Variants in MTFMT observed in about 807,000 individuals in gnomAD.
The protein encoded by MTFMT is methionyl-tRNA formyltransferase, mitochondrial.
A neutral mutation model predicts 51.8 loss-of-function variants in MTFMT; 47 were observed. The ratio of observed to expected loss-of-function variants is 0.91; its 90% CI spans 0.72 to 1.16. MTFMT has a LOEUF of 1.16. MTFMT is among the 50% of genes most tolerant of loss of function. The pLI is 0.00. For missense variants in MTFMT, 512 were observed against 482.3 expected (o/e 1.06, Z -0.58); for synonymous variants, 196 against 176.7 (o/e 1.11, Z -0.87).
chr15:65,026,716 TAA>T lies in MTFMT; in HGVS notation c.419+113_419+114del, dbSNP rs538519239. The T allele has an allele frequency of 1.5e-3, 1,362 of 882,746 alleles. 8 individuals carry two copies. The African/African-American group carries it at 0.02, about 13-fold the overall frequency. The allele number at this position is 882,746 out of a possible 1,614,324, so 54.7% of individuals were successfully genotyped here. ...GTACAGAAAAATAAAATGGTAAAAA[TAA>T]AAAAAGAAAATATTACAGAAAGCAT... On this transcript the variant is annotated intron_variant, in intron 2 of 8. Coordinates refer to ENST00000220058, the MANE Select transcript of MTFMT (RefSeq NM_139242.4).
chr15:65,026,807 T>C (rs1182018917), intron 2 of MTFMT, 24 bp downstream of exon 2: 7 of 1,597,098 alleles, frequency 4.4e-6, no homozygotes, highest in Non-Finnish European at 6.0e-6. Flanking sequence ...TTCTATACTG[T>C]ATTTCCTTAC....
intron 3 of MTFMT, among the ~76,000 whole-genome samples, 161 bp downstream of exon 3, chr15:65,023,511 T>C (rs372312782): frequency 6.6e-6 from 1 of 151,976 alleles, no homozygotes; most frequent in Non-Finnish European, 1.5e-5. Flanking sequence ...ATATGGTTTA[T>C]GTTAGAAACC....
At chr15:65,012,533 C>T (rs1005441160) in intron 6 of MTFMT, among the ~76,000 whole-genome samples, 1 of 152,034 alleles carries the variant, frequency 6.6e-6, no homozygotes, top group African/African-American at 2.4e-5. Context: ...GTAGCTGGGA[C>T]TACAAGCGTG....
At chr15:65,027,417 T>C (rs2086435053) in intron 1 of MTFMT, among the ~76,000 whole-genome samples, 2 of 152,176 alleles carry the variant, frequency 1.3e-5, no homozygotes, top group African/African-American at 4.8e-5. Flanking sequence ...CAGGCTGGTC[T>C]CCAACTCCTG....
chr15:65,024,040 GT>G (rs1247871567), intron 2 of MTFMT, among the ~76,000 whole-genome samples: 2 of 152,178 alleles, frequency 1.3e-5, no homozygotes, highest in African/African-American at 4.8e-5. Flanking sequence ...TTCTAAAGAT[GT>G]TCTGTCTGGG....
intron 2 of MTFMT, 86 bp downstream of exon 2, chr15:65,026,745 G>A: frequency 1.0e-6 from 1 of 1,002,816 alleles, no homozygotes; most frequent in Non-Finnish European, 1.5e-6. Flanking sequence ...AGAAAGCATA[G>A]AGTTCAAATT....
At chr15:65,024,172 CA>C (rs993123818) in intron 2 of MTFMT, among the ~76,000 whole-genome samples, 2 of 151,872 alleles carry the variant, frequency 1.3e-5, no homozygotes, top group Non-Finnish European at 2.9e-5. Context: ...ACTAAAAAGA[CA>C]AAATTAGCCA....
chr15:65,003,386 A>G lies in MTFMT; in HGVS notation c.976-130T>C, dbSNP rs1293242604. On this transcript the variant is annotated intron_variant, in intron 8 of 8. Transcript: ENST00000220058. ...AAATCTTTACTAAATGCCTAGCTGC[A>G]AACAGCACTACACTAAGTAACATGT... The G allele has an allele frequency of 1.5e-5, 10 of 680,484 alleles. No homozygotes were observed. The East Asian group carries it at 2.4e-4, about 17-fold the overall frequency. 42.2% of individuals were successfully genotyped at this position (680,484 alleles called of 1,614,324 possible).
At chr15:65,023,216 T>G (rs1351339562) in intron 3 of MTFMT, among the ~76,000 whole-genome samples, 1 of 152,208 alleles carries the variant, frequency 6.6e-6, no homozygotes, top group East Asian at 1.9e-4. Flanking sequence ...TCTAAATTGT[T>G]CTAAACTATA....
At chr15:65,017,958 G>C (rs962234487) in intron 5 of MTFMT, among the ~76,000 whole-genome samples, 1 of 152,042 alleles carries the variant, frequency 6.6e-6, no homozygotes, top group African/African-American at 2.4e-5. Context: ...TGCTTATTTT[G>C]GCAAAAGGAA....
chr15:65,004,605 C>T (rs535690240), intron 8 of MTFMT, among the ~76,000 whole-genome samples: 3 of 152,228 alleles, frequency 2.0e-5, no homozygotes, highest in Admixed American at 1.3e-4. Flanking sequence ...TGAAAATACA[C>T]GTGTTCTTTT....
chr15:65,007,058 G>C (rs1051379558), intron 6 of MTFMT, among the ~76,000 whole-genome samples: 1 of 152,286 alleles, frequency 6.6e-6, no homozygotes, highest in East Asian at 1.9e-4. Flanking sequence ...CTAAGGGCCC[G>C]CATGAGCACT....
intron 1 of MTFMT, among the ~76,000 whole-genome samples, chr15:65,028,803 A>C (rs1037464318): frequency 5.3e-5 from 8 of 152,264 alleles, no homozygotes; most frequent in African/African-American, 1.9e-4. Context: ...CAGTAAACAA[A>C]ACTTGTTAAA....
rs1418342460 is a variant in MTFMT at position 65,006,264 on chromosome 15, G to A, written c.814-73C>T. 7 of 1,174,048 alleles carry A rather than the reference G, an allele frequency of 6.0e-6. 1 individual carries two copies. In the South Asian group the frequency reaches 7.7e-5, roughly 13 times the overall value. 72.7% of individuals were successfully genotyped at this position (1,174,048 alleles called of 1,614,324 possible). A position where few individuals can be genotyped will look rare whatever the true frequency, so the allele number is the denominator to read the frequency against. ...CCAAACCCTTTTCAACTACTATTTT[G>A]TGTTAATCTGGACTTTTCTTTCAAT... On this transcript the variant is annotated intron_variant, in intron 6 of 8. Coordinates refer to ENST00000220058, the MANE Select transcript of MTFMT (RefSeq NM_139242.4).
At chr15:65,028,401 C>T (rs1040618665) in intron 1 of MTFMT, among the ~76,000 whole-genome samples, 2 of 152,066 alleles carry the variant, frequency 1.3e-5, no homozygotes, top group African/African-American at 4.8e-5. Context: ...GGGGACAGCG[C>T]GAGACCTCGC....
Position 65,029,485 on chromosome 15 carries a change from G to T in MTFMT, c.129C>A (p.Arg43=). Residue 43 remains arginine (R), a synonymous_variant, in exon 1 of 9, where the codon CGC becomes CGA. Transcript: ENST00000220058. ...GWEDCRDSRV[R]EKPPWRVLFF... is the part of the protein sequence containing the mutation. ...AGAGCACCCGCCAGGGAGGCTTCTCGCGGACTCTGGAGTCCCGGCAGTCCT... is the reference window on the plus strand; with the variant it reads ...AGAGCACCCGCCAGGGAGGCTTCTCTCGGACTCTGGAGTCCCGGCAGTCCT... 1 of 1,533,738 alleles carries T rather than the reference G, an allele frequency of 6.5e-7. No individual in the cohort carries two copies.
intron 8 of MTFMT, among the ~76,000 whole-genome samples, chr15:65,004,051 T>C (rs2086201628): frequency 6.6e-6 from 1 of 151,802 alleles, no homozygotes; most frequent in African/African-American, 2.4e-5. Flanking sequence ...AGTTTCGCTC[T>C]TATTGCCCAG....
intron 6 of MTFMT, among the ~76,000 whole-genome samples, chr15:65,006,442 T>G (rs184051008): frequency 6.6e-6 from 1 of 151,316 alleles, no homozygotes; most frequent in East Asian, 1.9e-4. Context: ...AGTGGCGCGA[T>G]CTTGGCTCAC....
At chr15:65,013,287 C>CT (rs71447831) in intron 6 of MTFMT, among the ~76,000 whole-genome samples, 13 of 142,766 alleles carry the variant, frequency 9.1e-5, no homozygotes, top group African/African-American at 2.5e-4. Flanking sequence ...CTTTCTTCTT[C>CT]TTTTTTTTTT....
Sources: gnomAD v4.1 joint callset for allele counts (sites outside exome capture counted in the v4.1 genomes callset) on GRCh38, gnomAD v4.1.1 for gene constraint, MANE v1.5 for transcripts, NCBI Gene and HGNC (gene_info 2026-07-23, HGNC 2026-07-21) for gene names.